KIAA0825: variants seen among roughly 807,000 people sequenced by gnomAD.
KIAA0825 encodes the protein KIAA0825, also known as uncharacterized protein KIAA0825.
A neutral mutation model predicts 147.6 loss-of-function variants in KIAA0825; 119 were observed. The ratio of observed to expected loss-of-function variants is 0.81; its 90% CI spans 0.69 to 0.94. The LOEUF is 0.94. Ranked by LOEUF, KIAA0825 falls within the 40% of genes least tolerant of loss-of-function variation. KIAA0825 has a pLI of 0.00. For missense variants in KIAA0825, 1,381 were observed against 1,472.7 expected (o/e 0.94, Z 1.02); for synonymous variants, 470 against 518.1 (o/e 0.91, Z 1.26).
chr5:94,571,069 T>C (rs751250347), intron 2 of KIAA0825, among the ~76,000 whole-genome samples: 5 of 152,262 alleles, frequency 3.3e-5, no homozygotes, highest in African/African-American at 4.8e-5. Context: ...ATTTTGGGGA[T>C]GTAATTATGA....
At chr5:94,384,280 G>T in intron 20 of KIAA0825, 88 bp downstream of exon 20, 2 of 899,948 alleles carry the variant, frequency 2.2e-6, no homozygotes, top group South Asian at 3.3e-5. Context: ...AAGTATGCTA[G>T]TAAAATCTGT....
intron 16 of KIAA0825, among the ~76,000 whole-genome samples, chr5:94,400,459 A>G (rs1010660636): frequency 6.6e-6 from 1 of 152,240 alleles, no homozygotes; most frequent in East Asian, 1.9e-4. Flanking sequence ...CTTTCTCAAC[A>G]TGCTGTTTCT....
intron 20 of KIAA0825, among the ~76,000 whole-genome samples, chr5:94,334,593 C>T (rs1781611030): frequency 6.6e-6 from 1 of 152,202 alleles, no homozygotes; most frequent in African/African-American, 2.4e-5. Flanking sequence ...AGTGATTCTC[C>T]TGCCTCAGCC....
At position 94,403,711 on chromosome 5, in the gene KIAA0825, C is replaced by T; in HGVS notation, c.2745G>A (p.Gln915=). The change falls in exon 16 of 21, where the codon CAG becomes CAA. Residue 915 remains glutamine (Q), a synonymous_variant. Coordinates refer to ENST00000682413, the MANE Select transcript of KIAA0825 (RefSeq NM_001145678.3). The part of the protein sequence containing the change: ...ALTDAIKDTV[Q]QIVSVMSSRR... The stretch of plus-strand genomic sequence containing the variant: ...TAGAACTCATTACAGATACTATCTG[C>T]TGTACAGTGTCCTTGATGGCATCGG... 1 of 1,551,560 alleles carries T rather than the reference C, an allele frequency of 6.4e-7. No individual in the cohort carries two copies.
intron 2 of KIAA0825, among the ~76,000 whole-genome samples, chr5:94,544,787 G>C (rs1378384585): frequency 6.6e-6 from 1 of 152,114 alleles, no homozygotes; most frequent in Non-Finnish European, 1.5e-5. Context: ...AGAGTGTCAG[G>C]AAGGCAGAGC....
chr5:94,265,284 T>C (rs532221674), intron 20 of KIAA0825, among the ~76,000 whole-genome samples: 4 of 152,338 alleles, frequency 2.6e-5, no homozygotes, highest in African/African-American at 9.6e-5. Flanking sequence ...TCAGTGATTC[T>C]CAGAGTGAGG....
intron 1 of KIAA0825, among the ~76,000 whole-genome samples, chr5:94,608,240 T>C (rs902345110): frequency 6.8e-6 from 1 of 148,094 alleles, no homozygotes; most frequent in Non-Finnish European, 1.5e-5. Context: ...AAGTAAAAAT[T>C]ACTTTTATTT....
At chr5:94,188,656 T>C (rs1190675225) in intron 20 of KIAA0825, among the ~76,000 whole-genome samples, 5 of 152,184 alleles carry the variant, frequency 3.3e-5, no homozygotes, top group African/African-American at 9.7e-5. Context: ...TATATCACCA[T>C]TGTTTATTCG....
chr5:94,269,490 A>AT (rs954800053), intron 20 of KIAA0825, among the ~76,000 whole-genome samples: 11 of 152,148 alleles, frequency 7.2e-5, no homozygotes, highest in East Asian at 1.9e-4. Flanking sequence ...GCTGAATGGA[A>AT]TTTTTTTTAA....
chr5:94,462,535 T>A lies in KIAA0825; in HGVS notation c.2098A>T (p.Asn700Tyr). Residue 700 changes from asparagine (N) to tyrosine (Y), a missense_variant, in exon 12 of 21, where the codon AAC becomes TAC. Transcript: ENST00000682413. ...GATGTACAAACTGACCATAACATGT[T>A]CTCAGTGCATATCAAAATTGTTGTG... is the stretch of plus-strand genomic sequence containing the variant. ...DVTTILICTE[N>Y]MLWSVCTSVQ... 6.5e-7 allele frequency: 1 copy of A among 1,527,908 alleles called. No homozygotes were observed. Among genetic ancestry groups the A allele is most frequent in the East Asian group, 2.5e-5 (1 of 40,366 alleles). 94.6% of individuals were successfully genotyped at this position (1,527,908 alleles called of 1,614,324 possible).
intron 20 of KIAA0825, among the ~76,000 whole-genome samples, chr5:94,268,286 A>G (rs1172893667): frequency 2.6e-5 from 4 of 152,232 alleles, no homozygotes; most frequent in African/African-American, 9.6e-5. Context: ...ACAATACTGG[A>G]AAGTAGCCAG....
At chr5:94,520,213 A>C in intron 5 of KIAA0825, 35 bp downstream of exon 5, 2 of 1,533,962 alleles carry the variant, frequency 1.3e-6, no homozygotes, top group Non-Finnish European at 1.7e-6. Context: ...AAAAGACTTA[A>C]GTTAAACCAA....
At chr5:94,236,925 G>A (rs774431460) in intron 20 of KIAA0825, among the ~76,000 whole-genome samples, 2 of 152,068 alleles carry the variant, frequency 1.3e-5, no homozygotes, top group Non-Finnish European at 2.9e-5. Context: ...TAGTGTAAAC[G>A]TAAGTGTTAT....
At chr5:94,386,826 A>G (rs1343241567) in intron 18 of KIAA0825, among the ~76,000 whole-genome samples, 4 of 152,216 alleles carry the variant, frequency 2.6e-5, no homozygotes, top group Non-Finnish European at 4.4e-5. Flanking sequence ...GGCTCAGCAG[A>G]GCACTGAGTA....
chr5:94,429,120 T>C (rs886250826), intron 14 of KIAA0825, among the ~76,000 whole-genome samples: 4 of 152,212 alleles, frequency 2.6e-5, no homozygotes, highest in Non-Finnish European at 5.9e-5. Flanking sequence ...TTTGTGTTGA[T>C]TTTCAATCTT....
At chr5:94,359,949 G>C (rs1049269730) in intron 20 of KIAA0825, among the ~76,000 whole-genome samples, 2 of 152,090 alleles carry the variant, frequency 1.3e-5, no homozygotes, top group African/African-American at 4.8e-5. Flanking sequence ...TGATTACAGC[G>C]CTACAGAAAA....
At chr5:94,498,965 C>G (rs1367369187) in intron 5 of KIAA0825, among the ~76,000 whole-genome samples, 1 of 152,134 alleles carries the variant, frequency 6.6e-6, no homozygotes, top group Non-Finnish European at 1.5e-5. Flanking sequence ...TAATTTAAAA[C>G]GGTCTTATAA....
intron 20 of KIAA0825, among the ~76,000 whole-genome samples, chr5:94,273,224 A>G (rs1312508625): frequency 6.6e-6 from 1 of 152,206 alleles, no homozygotes; most frequent in East Asian, 1.9e-4. Flanking sequence ...CAGATACAGA[A>G]GTTGTTACTA....
chr5:94,192,815 C>T (rs1770793927), intron 20 of KIAA0825, among the ~76,000 whole-genome samples: 1 of 152,136 alleles, frequency 6.6e-6, no homozygotes, highest in South Asian at 2.1e-4. Context: ...ACTCAAGAAA[C>T]CCCCAGCTCT....
Sources: allele counts gnomAD v4.1 joint callset (sites outside exome capture counted in the v4.1 genomes callset), GRCh38; gene constraint gnomAD v4.1.1; transcripts MANE v1.5; gene names NCBI Gene and HGNC (gene_info 2026-07-23, HGNC 2026-07-21).